The following EYS variants were observed in gnomAD, a reference collection of about 807,000 sequenced individuals.
EYS encodes the protein protein eyes shut homolog.
A neutral mutation model predicts 282.1 loss-of-function variants in EYS; 250 were observed. That is an observed-to-expected ratio of 0.89 (90% CI 0.80 to 0.98). EYS has a LOEUF of 0.98. EYS is among the 50% of genes least tolerant of loss of function. EYS has a pLI of 0.00. For missense variants in EYS, 4,016 were observed against 3,709.0 expected (o/e 1.08, Z -2.15); for synonymous variants, 1,355 against 1,282.9 (o/e 1.06, Z -1.20).
chr6:65,429,196 C>T (rs1767781769), intron 5 of EYS, among the ~76,000 whole-genome samples: 1 of 151,646 alleles, frequency 6.6e-6, no homozygotes. Context: ...AAAAAATGTT[C>T]TGGCACAACA....
chr6:65,464,582 A>G (rs566916307), intron 5 of EYS, among the ~76,000 whole-genome samples: 2 of 152,302 alleles, frequency 1.3e-5, no homozygotes, highest in East Asian at 3.9e-4. Flanking sequence ...AAAAAGTTTC[A>G]TCATCCGTCT....
chr6:64,616,539 G>A (rs954659422), intron 24 of EYS, among the ~76,000 whole-genome samples: 1 of 152,082 alleles, frequency 6.6e-6, no homozygotes, highest in Non-Finnish European at 1.5e-5. Flanking sequence ...CTTGTGTTCC[G>A]TGACAGTTAT....
At chr6:64,521,323 A>G (rs1484081557) in intron 26 of EYS, among the ~76,000 whole-genome samples, 1 of 151,792 alleles carries the variant, frequency 6.6e-6, no homozygotes, top group African/African-American at 2.4e-5. Flanking sequence ...GAAGTGATGG[A>G]GAAGTGAAAG....
At chr6:64,157,006 C>G (rs1774945966) in intron 31 of EYS, among the ~76,000 whole-genome samples, 1 of 151,670 alleles carries the variant, frequency 6.6e-6, no homozygotes, top group South Asian at 2.1e-4. Flanking sequence ...AACTCGTCAT[C>G]TAGCATTAGG....
At chr6:65,163,548 G>A (rs1335314037) in intron 12 of EYS, among the ~76,000 whole-genome samples, 4 of 151,216 alleles carry the variant, frequency 2.6e-5, no homozygotes, top group African/African-American at 7.3e-5. Flanking sequence ...GGACGAGCGG[G>A]TGGGTAAAGA....
At chr6:64,181,212 TACAG>T (rs1178112086) in intron 31 of EYS, among the ~76,000 whole-genome samples, 1 of 152,182 alleles carries the variant, frequency 6.6e-6, no homozygotes, top group African/African-American at 2.4e-5. Flanking sequence ...TACTCTATGA[TACAG>T]ACAACATCCT....
intron 22 of EYS, among the ~76,000 whole-genome samples, chr6:64,774,424 C>T (rs910648375): frequency 7.2e-5 from 11 of 151,900 alleles, no homozygotes; most frequent in African/African-American, 2.7e-4. Flanking sequence ...ACACCTAGAC[C>T]TGCAGAGGGA....
chr6:64,794,657 G>A (rs1774299237), intron 22 of EYS, among the ~76,000 whole-genome samples: 1 of 152,110 alleles, frequency 6.6e-6, no homozygotes. Context: ...GACTAATACA[G>A]TGTTCATCAA....
intron 22 of EYS, among the ~76,000 whole-genome samples, chr6:64,713,792 T>G (rs1349729933): frequency 6.6e-6 from 1 of 152,180 alleles, no homozygotes; most frequent in Non-Finnish European, 1.5e-5. Context: ...TCTGTGAAAT[T>G]TCTTTATATA....
At chr6:64,395,864 A>C (rs1449082726) in intron 28 of EYS, among the ~76,000 whole-genome samples, 1 of 152,162 alleles carries the variant, frequency 6.6e-6, no homozygotes, top group Non-Finnish European at 1.5e-5. Context: ...TCCAACAATC[A>C]ATGCCATTCT....
At chr6:64,033,842 C>CTA (rs1172914707) in intron 33 of EYS, among the ~76,000 whole-genome samples, 14 of 148,348 alleles carry the variant, frequency 9.4e-5, no homozygotes, top group Admixed American at 2.6e-4. Flanking sequence ...CTCTCTCTCT[C>CTA]TCTCTATATA....
chr6:63,889,015 T>C (rs1046159632), intron 35 of EYS, among the ~76,000 whole-genome samples: 12 of 152,060 alleles, frequency 7.9e-5, no homozygotes, highest in South Asian at 2.1e-4. Flanking sequence ...AATAGCCGAA[T>C]TGATCAAGTG....
chr6:65,107,359 T>C (rs1775069857), intron 12 of EYS, among the ~76,000 whole-genome samples: 1 of 150,214 alleles, frequency 6.7e-6, no homozygotes, highest in African/African-American at 2.5e-5. Context: ...CGAGGACTAT[T>C]TGCCCACCTT....
intron 19 of EYS, among the ~76,000 whole-genome samples, chr6:64,883,610 G>A (rs1186430787): frequency 6.6e-6 from 1 of 151,156 alleles, no homozygotes; most frequent in Non-Finnish European, 1.5e-5. Flanking sequence ...ATTTTAGAAA[G>A]CAATATAAAT....
intron 26 of EYS, among the ~76,000 whole-genome samples, chr6:64,533,258 GA>G (rs1433951288): frequency 6.6e-6 from 1 of 152,072 alleles, no homozygotes; most frequent in Non-Finnish European, 1.5e-5. Flanking sequence ...GCTAGAGATG[GA>G]GAAGTAAAAA....
intron 30 of EYS, among the ~76,000 whole-genome samples, chr6:64,274,166 T>G (rs996122249): frequency 6.6e-6 from 1 of 152,158 alleles, no homozygotes; most frequent in Non-Finnish European, 1.5e-5. Context: ...TCTGCTCTAC[T>G]CCCTCCATTC....
chr6:64,199,967 G>A (rs927943282), intron 31 of EYS, among the ~76,000 whole-genome samples: 3 of 152,088 alleles, frequency 2.0e-5, no homozygotes, highest in African/African-American at 7.2e-5. Flanking sequence ...AAACTGTGAT[G>A]TACTAAGACA....
chr6:64,501,907 G>T (rs980089940), intron 26 of EYS, among the ~76,000 whole-genome samples: 2 of 152,102 alleles, frequency 1.3e-5, no homozygotes, highest in Non-Finnish European at 2.9e-5. Context: ...GCACCAGACT[G>T]TCAGGGTGCC....
intron 26 of EYS, among the ~76,000 whole-genome samples, chr6:64,455,293 C>T (rs1316646207): frequency 6.6e-6 from 1 of 152,056 alleles, no homozygotes; most frequent in African/African-American, 2.4e-5. Context: ...AAATAGTTTA[C>T]TAGTTTATTC....
Sources: gnomAD v4.1 joint callset for allele counts (sites outside exome capture counted in the v4.1 genomes callset) on GRCh38, gnomAD v4.1.1 for gene constraint, MANE v1.5 for transcripts, NCBI Gene and HGNC (gene_info 2026-07-23, HGNC 2026-07-21) for gene names.